Variants in DLGAP2 observed in about 807,000 individuals in gnomAD.
The protein encoded by DLGAP2 is DLG associated protein 2.
DLGAP2 carries 26 observed loss-of-function variants against 100.3 expected under a neutral mutation model. That is an observed-to-expected ratio of 0.26 (90% CI 0.19 to 0.36). The LOEUF is 0.36. Among genes scored for constraint, DLGAP2 ranks in the 10% least tolerant of loss-of-function variants. The probability of loss-of-function intolerance (pLI) is 1.00; values close to 1 mark genes in which losing one functional copy is unlikely to be tolerated. For missense variants in DLGAP2, 1,858 were observed against 1,453.2 expected (o/e 1.28, Z -4.53); for synonymous variants, 886 against 630.1 (o/e 1.41, Z -6.08).
intron 2 of DLGAP2, among the ~76,000 whole-genome samples, chr8:957,667 G>T (rs1418929198): frequency 6.6e-6 from 1 of 152,190 alleles, no homozygotes; most frequent in Non-Finnish European, 1.5e-5. Flanking sequence ...CGTCATTAAT[G>T]ACAGTATCTC....
chr8:1,209,126 T>G (rs973373734), intron 2 of DLGAP2, among the ~76,000 whole-genome samples: 2 of 152,148 alleles, frequency 1.3e-5, no homozygotes, highest in African/African-American at 4.8e-5. Flanking sequence ...ACCATCATCA[T>G]TCTTCACAGA....
intron 2 of DLGAP2, among the ~76,000 whole-genome samples, chr8:1,117,918 A>T (rs924263177): frequency 6.6e-6 from 1 of 152,226 alleles, no homozygotes; most frequent in Non-Finnish European, 1.5e-5. Flanking sequence ...CAGCAATTCA[A>T]ACATGGAAAA....
chr8:833,965 G>A (rs184764830), intron 1 of DLGAP2, among the ~76,000 whole-genome samples: 4 of 152,136 alleles, frequency 2.6e-5, no homozygotes, highest in South Asian at 4.1e-4. Flanking sequence ...ACGAGAATTC[G>A]TGCCTTTTCA....
rs1300879957 is a variant in DLGAP2 at position 1,370,915 on chromosome 8, C to G, written c.106+112032C>G. On this transcript the variant is annotated intron_variant, in intron 3 of 14. Coordinates refer to ENST00000637795, the MANE Select transcript of DLGAP2 (RefSeq NM_001346810.2). ...TGTGTGTTAGGTGCCTAGAACAGGG[C>G]TTTACACCATGGATAGAATTTGAAT... 2.6e-5 allele frequency among the ~76,000 whole-genome samples: 4 copies of G among 152,348 alleles called. No individual in the cohort carries two copies. In the East Asian group the frequency reaches 5.8e-4, roughly 22 times the overall value.
chr8:1,029,117 T>A (rs888989837), intron 2 of DLGAP2, among the ~76,000 whole-genome samples: 4 of 152,002 alleles, frequency 2.6e-5, no homozygotes, highest in African/African-American at 9.7e-5. Context: ...GGGGAGGAGA[T>A]AACATAGCGT....
At chr8:1,572,666 C>T (rs1802777822) in intron 6 of DLGAP2, among the ~76,000 whole-genome samples, 1 of 108,680 alleles carries the variant, frequency 9.2e-6, no homozygotes, top group South Asian at 3.7e-4. Flanking sequence ...GGAGGGGCAT[C>T]TTCTGGGATG....
chr8:757,319 C>T (rs1244048909), intron 1 of DLGAP2, among the ~76,000 whole-genome samples: 2 of 152,188 alleles, frequency 1.3e-5, no homozygotes, highest in South Asian at 4.1e-4. Context: ...TGCCCTCATC[C>T]AGTGATGAAG....
chr8:1,328,844 A>AG, intron 3 of DLGAP2, among the ~76,000 whole-genome samples: 1 of 152,380 alleles, frequency 6.6e-6, no homozygotes, highest in South Asian at 2.1e-4. Context: ...GGCCGAACAC[A>AG]GATGCTCATG....
chr8:896,314 G>A (rs1221993927), intron 1 of DLGAP2, among the ~76,000 whole-genome samples: 1 of 151,966 alleles, frequency 6.6e-6, no homozygotes, highest in South Asian at 2.1e-4. Context: ...TTGGAGGAGA[G>A]GATGTAGGGT....
chr8:1,548,979 T>C lies in DLGAP2; in HGVS notation c.526T>C (p.Cys176Arg), dbSNP rs201415144. 1.1e-4 allele frequency: 173 copies of C among 1,599,326 alleles called. No homozygotes were observed. The African/African-American group carries it at 1.1e-3, about 10-fold the overall frequency. Residue 176 changes from cysteine to arginine, a missense_variant, in exon 5 of 15, where the codon TGC (cysteine) becomes CGC (arginine). Physicochemically the swap from Cys to Arg is radical, Grantham distance 180. Coordinates refer to ENST00000637795, the MANE Select transcript of DLGAP2 (RefSeq NM_001346810.2). ...YSSHYDTRDDCAVAHAGAKIN... is the reference protein window; with the variant it reads ...YSSHYDTRDDRAVAHAGAKIN... Reference sequence around the variant, plus strand: ...CTCGCACTACGACACGCGCGACGACTGCGCTGTGGCCCACGCGGGCGCCAA... The same window carrying C: ...CTCGCACTACGACACGCGCGACGACCGCGCTGTGGCCCACGCGGGCGCCAA...
chr8:1,095,978 A>G (rs1282195048), intron 2 of DLGAP2, among the ~76,000 whole-genome samples: 3 of 152,250 alleles, frequency 2.0e-5, no homozygotes, highest in Non-Finnish European at 4.4e-5. Flanking sequence ...ATATTTTAAA[A>G]ACAAAATTAA....
At chr8:1,213,001 G>C (rs1209316109) in intron 2 of DLGAP2, among the ~76,000 whole-genome samples, 1 of 152,022 alleles carries the variant, frequency 6.6e-6, no homozygotes, top group Non-Finnish European at 1.5e-5. Context: ...TTACGGCAGA[G>C]ATTTTCTTGT....
chr8:1,624,869 G>GTCTCTCTCTTTT lies in DLGAP2; in HGVS notation c.1443-1862_1443-1861insTTTTCTCTCTCT, dbSNP rs1797451633. ...TTTCTCTCTCTCTCTCTCTCTCTCT[G>GTCTCTCTCTTTT]TCTCTCTCTCTCTCTCTTTCCTTTT... On this transcript the variant is annotated intron_variant, in intron 6 of 14. Transcript: ENST00000637795. Among the ~76,000 whole-genome samples, 4 of 149,782 alleles carry GTCTCTCTCTTTT rather than the reference G, an allele frequency of 2.7e-5. No homozygotes were observed. The South Asian group carries it at 8.5e-4, about 32-fold the overall frequency.
At chr8:1,451,798 A>G (rs569953579) in intron 3 of DLGAP2, among the ~76,000 whole-genome samples, 12 of 152,106 alleles carry the variant, frequency 7.9e-5, no homozygotes, top group East Asian at 1.9e-4. Context: ...CATTCTCCCA[A>G]CGTCCGGATA....
intron 3 of DLGAP2, among the ~76,000 whole-genome samples, chr8:1,287,629 G>T (rs1247635739): frequency 1.1e-5 from 1 of 89,672 alleles, no homozygotes; most frequent in African/African-American, 4.8e-5. Flanking sequence ...ACTAGTTTCG[G>T]TTGAGTGTGT....
chr8:1,131,768 G>C (rs1212848314), intron 2 of DLGAP2, among the ~76,000 whole-genome samples: 1 of 152,196 alleles, frequency 6.6e-6, no homozygotes, highest in East Asian at 1.9e-4. Context: ...TGTATTTCTA[G>C]CTTGTGAAGG....
At chr8:1,315,580 C>T (rs1480378889) in intron 3 of DLGAP2, among the ~76,000 whole-genome samples, 3 of 143,616 alleles carry the variant, frequency 2.1e-5, no homozygotes, top group African/African-American at 7.7e-5. Flanking sequence ...TGTACGAGTG[C>T]AGCGTCTCTC....
intron 1 of DLGAP2, among the ~76,000 whole-genome samples, chr8:783,453 G>T (rs1165030756): frequency 2.6e-5 from 4 of 152,194 alleles, no homozygotes; most frequent in Non-Finnish European, 5.9e-5. Context: ...AGGTGCAAAA[G>T]ACAGATAGTT....
chr8:1,529,934 T>C (rs1168402235), intron 4 of DLGAP2, among the ~76,000 whole-genome samples: 1 of 152,198 alleles, frequency 6.6e-6, no homozygotes, highest in Admixed American at 6.5e-5. Context: ...AGTGTGCGAA[T>C]AGGTGTGGGT....
Sources: gnomAD v4.1 joint callset for allele counts (sites outside exome capture counted in the v4.1 genomes callset) on GRCh38, gnomAD v4.1.1 for gene constraint, MANE v1.5 for transcripts, NCBI Gene and HGNC (gene_info 2026-07-23, HGNC 2026-07-21) for gene names.